OR51E2: variants seen among roughly 807,000 people sequenced by gnomAD.
OR51E2 encodes olfactory receptor 51E2.
In OR51E2, 14 loss-of-function variants were observed where a neutral mutation model predicts 13.7. The observed-to-expected ratio is 1.02, with a 90% CI of 0.68 to 1.60. OR51E2 has a LOEUF of 1.60. Among genes scored for constraint, OR51E2 ranks in the 40% most tolerant of loss-of-function variants. The pLI is 0.00. For synonymous variants in OR51E2, 180 were observed against 157.6 expected, an observed-to-expected ratio of 1.14 and a Z score of -1.07; for missense variants, 483 against 413.8, an observed-to-expected ratio of 1.17 and a Z score of -1.45.
intron 1 of OR51E2, among the ~76,000 whole-genome samples, chr11:4,688,945 G>A (rs1008265855): frequency 1.3e-5 from 2 of 152,182 alleles, no homozygotes; most frequent in African/African-American, 4.8e-5. Flanking sequence ...TTTCCTTGAT[G>A]GGGATATTAG....
intron 1 of OR51E2, among the ~76,000 whole-genome samples, chr11:4,694,384 G>A (rs1481509114): frequency 1.3e-5 from 2 of 151,770 alleles, no homozygotes; most frequent in Admixed American, 1.3e-4. Context: ...CAGAGACAGA[G>A]GGTACCTTAT....
At position 4,682,058 on chromosome 11, in the gene OR51E2, A is replaced by G; in HGVS notation, c.654T>C (p.Phe218=). ...GTTGCAGAACCGTTCGTATTATCAG[A>G]AAATAGGACAAGGAGATGAACATTA... The part of the protein sequence containing the change: ...VDVMFISLSY[F]LIIRTVLQLP... Residue 218 remains phenylalanine, a synonymous_variant, in exon 2 of 2, where the codon TTT becomes TTC. Transcript: ENST00000396950. The G allele has an allele frequency of 6.2e-7, 1 of 1,614,240 alleles. No homozygotes were observed. The highest frequency in any genetic ancestry group is 8.5e-7 in the Non-Finnish European group (1 of 1,180,050).
At chr11:4,685,641 C>A (rs1589872651) in intron 1 of OR51E2, 1 of 152,330 alleles carries the variant, frequency 6.6e-6, no homozygotes, top group East Asian at 1.9e-4. Flanking sequence ...GATATGACAG[C>A]TTTTTGTCCT....
intron 1 of OR51E2, among the ~76,000 whole-genome samples, chr11:4,688,435 T>C (rs1447707376): frequency 1.3e-5 from 2 of 152,178 alleles, no homozygotes; most frequent in Non-Finnish European, 2.9e-5. Flanking sequence ...ATTTGGAAGC[T>C]AGTGTGGGTG....
intron 1 of OR51E2, among the ~76,000 whole-genome samples, chr11:4,692,670 G>A (rs1847598313): frequency 6.6e-6 from 1 of 152,136 alleles, no homozygotes; most frequent in African/African-American, 2.4e-5. Context: ...TGGCTGCAGA[G>A]GGCTCAATCA....
rs548869211 is a variant in OR51E2, at chr11:4,694,539, C to T, written c.-51+3114G>A. 3.0e-4 allele frequency among the ~76,000 whole-genome samples: 41 copies of T among 136,162 alleles called. No homozygotes were observed. In the South Asian group the frequency reaches 6.8e-3, roughly 23 times the overall value. The allele number at this position is 136,162 out of a possible 152,430, so 89.3% of individuals were successfully genotyped here. A position where few individuals can be genotyped will look rare whatever the true frequency, so the allele number is the denominator to read the frequency against. ...ATATATATACACACACACATATATACGTATATATATATACACACACACATA... is the reference window on the plus strand; with the variant it reads ...ATATATATACACACACACATATATATGTATATATATATACACACACACATA... On this transcript the variant is annotated intron_variant, in intron 1 of 1. Coordinates refer to ENST00000396950, the MANE Select transcript of OR51E2 (RefSeq NM_030774.4).
intron 1 of OR51E2, chr11:4,692,219 G>C: frequency 2.2e-6 from 1 of 445,602 alleles, no homozygotes; most frequent in South Asian, 1.6e-5. Context: ...AAAATATGAA[G>C]AAAGAGATCA....
chr11:4,683,367 C>A (rs1847480080), intron 1 of OR51E2, among the ~76,000 whole-genome samples: 2 of 151,968 alleles, frequency 1.3e-5, no homozygotes, highest in Admixed American at 6.6e-5. Context: ...CTAAAGTCAG[C>A]CAGAGGAATA....
intron 1 of OR51E2, chr11:4,691,806 T>C: frequency 3.1e-6 from 1 of 318,072 alleles, no homozygotes; most frequent in Non-Finnish European, 6.2e-6. Flanking sequence ...AGAAAACTGA[T>C]GAGTATTTAT....
intron 1 of OR51E2, chr11:4,691,321 C>A: frequency 2.2e-6 from 1 of 457,500 alleles, no homozygotes; most frequent in Non-Finnish European, 4.4e-6. Context: ...GGATTAGAGA[C>A]GGCCACAAAA....
chr11:4,687,164 G>C (rs1311040492), intron 1 of OR51E2, among the ~76,000 whole-genome samples: 3 of 152,022 alleles, frequency 2.0e-5, no homozygotes, highest in Non-Finnish European at 4.4e-5. Context: ...TTCCACTTTG[G>C]ACCTGCCTGT....
Position 4,681,821 on chromosome 11 carries a change from C to A in OR51E2, c.891G>T (p.Gln297His). 2 of 1,614,184 alleles carry A rather than the reference C, an allele frequency of 1.2e-6. No individual in the cohort carries two copies. The highest frequency in any genetic ancestry group is 1.3e-5 in the African/African-American group (1 of 75,056). The change falls in exon 2 of 2, where the codon CAG becomes CAT. Residue 297 changes from glutamine to histidine, a missense_variant. Gln to His is a conservative substitution (Grantham distance 24, BLOSUM62 0). Coordinates refer to ENST00000396950, the MANE Select transcript of OR51E2 (RefSeq NM_030774.4). Reference sequence around the variant, plus strand: ...ACATAGCCAGCACCCGTGTTCTGATCTGTTTGGTTTTGGCACCATAGATGA... The same window carrying A: ...ACATAGCCAGCACCCGTGTTCTGATATGTTTGGTTTTGGCACCATAGATGA... ...NPIIYGAKTK[Q>H]IRTRVLAMFK...
rs1847470088 is a variant in OR51E2 at position 4,682,611 on chromosome 11, T to C, written c.101A>G (p.Tyr34Cys). The C allele has an allele frequency of 6.2e-7, 1 of 1,614,012 alleles. No individual in the cohort carries two copies. Among genetic ancestry groups the C allele is most frequent in the African/African-American group, 1.3e-5 (1 of 74,898 alleles). Residue 34 changes from tyrosine to cysteine, a missense_variant, in exon 2 of 2, where the codon TAT becomes TGT. Transcript: ENST00000396950. ...GCAGTTTCCAAACATTGCCACTACA[T>C]ACATGGAAAGGAGGGGGAAGCCAAC... ...FWVGFPLLSM[Y>C]VVAMFGNCIV...
intron 1 of OR51E2, among the ~76,000 whole-genome samples, chr11:4,683,072 T>G (rs1847476213): frequency 6.6e-6 from 1 of 152,190 alleles, no homozygotes; most frequent in African/African-American, 2.4e-5. Context: ...TGTTAAGAGA[T>G]ACACTTTTGG....
rs566109280 is a variant in OR51E2 at position 4,681,788 on chromosome 11, G to A, written c.924C>T (p.Ile308=). 6.2e-7 allele frequency: 1 copy of A among 1,614,212 alleles called. No homozygotes were observed. Among genetic ancestry groups the A allele is most frequent in the South Asian group, 1.1e-5 (1 of 91,088 alleles). Residue 308 remains isoleucine (I), a synonymous_variant, in exon 2 of 2, where the codon ATC becomes ATT. Coordinates refer to ENST00000396950, the MANE Select transcript of OR51E2 (RefSeq NM_030774.4). ...CAGCCTGCAAGTCCTTGTCACAGCTGATCTTGAACATAGCCAGCACCCGTG... is the reference window on the plus strand; with the variant it reads ...CAGCCTGCAAGTCCTTGTCACAGCTAATCTTGAACATAGCCAGCACCCGTG... ...IRTRVLAMFK[I]SCDKDLQAVG... is the part of the protein sequence containing the mutation.
chr11:4,681,388 T>TAA lies in OR51E2; in HGVS notation c.*359_*360dup. On this transcript the variant is annotated 3_prime_UTR_variant, in exon 2 of 2. Transcript: ENST00000396950. ...AGTTGTATGTGACAGCTAACCATAATAAAAAAAAAAGAAAGAAAAAAGAGA... is the reference window on the plus strand; with the variant it reads ...AGTTGTATGTGACAGCTAACCATAATAAAAAAAAAAAAGAAAGAAAAAAGAGA... 2.1e-5 allele frequency: 4 copies of TAA among 193,504 alleles called. No individual in the cohort carries two copies. Among genetic ancestry groups the TAA allele is most frequent in the Non-Finnish European group, 4.1e-5 (4 of 97,656 alleles). The allele number at this position is 193,504 out of a possible 1,614,324, so 12.0% of individuals were successfully genotyped here. A position where few individuals can be genotyped will look rare whatever the true frequency, so the allele number is the denominator to read the frequency against.
rs1459421622 is a variant in OR51E2 at position 4,682,734 on chromosome 11, C to A, written c.-23G>T. The A allele has an allele frequency of 6.2e-7, 1 of 1,604,460 alleles. No homozygotes were observed. Among genetic ancestry groups the A allele is most frequent in the South Asian group, 1.1e-5 (1 of 89,298 alleles). ...CATAGCTGGAACTGAGGAGGGGTGA[C>A]TGGAGAGGGTGAGGTCACACTGGCA... On this transcript the variant is annotated 5_prime_UTR_variant, in exon 2 of 2. Transcript: ENST00000396950.
At position 4,681,554 on chromosome 11, in the gene OR51E2, T is replaced by C. The variant is rs1240617993; in HGVS notation, c.*195A>G. ...AAGCATGTTTGGTTTTATTGTAGTCTTTAAATCATGTAATACTTCATTAGT... is the reference window on the plus strand; with the variant it reads ...AAGCATGTTTGGTTTTATTGTAGTCCTTAAATCATGTAATACTTCATTAGT... On this transcript the variant is annotated 3_prime_UTR_variant, in exon 2 of 2. Coordinates refer to ENST00000396950, the MANE Select transcript of OR51E2 (RefSeq NM_030774.4). The C allele has an allele frequency of 1.3e-5, 8 of 608,326 alleles. No individual in the cohort carries two copies. Among genetic ancestry groups the C allele is most frequent in the Non-Finnish European group, 2.3e-5 (8 of 352,338 alleles). 37.7% of individuals were successfully genotyped at this position (608,326 alleles called of 1,614,324 possible).
intron 1 of OR51E2, among the ~76,000 whole-genome samples, chr11:4,683,511 G>T (rs770596397): frequency 2.0e-5 from 3 of 152,168 alleles, no homozygotes; most frequent in Non-Finnish European, 4.4e-5. Flanking sequence ...CAAGGTAGTG[G>T]CTCCCTCCGA....
Sources: allele counts gnomAD v4.1 joint callset (sites outside exome capture counted in the v4.1 genomes callset), GRCh38; gene constraint gnomAD v4.1.1; transcripts MANE v1.5; gene names NCBI Gene and HGNC (gene_info 2026-07-23, HGNC 2026-07-21).